Variants in GSAP observed in about 807,000 individuals in gnomAD.
GSAP encodes gamma-secretase activating protein.
In GSAP, 118 loss-of-function variants were observed where a neutral mutation model predicts 131.7. That is an observed-to-expected ratio of 0.90 (90% CI 0.77 to 1.04). GSAP has a LOEUF of 1.04. Ranked by LOEUF, GSAP falls within the 50% of genes least tolerant of loss-of-function variation. The pLI, the probability that GSAP is intolerant of heterozygous loss-of-function variation, is 0.00. For missense variants in GSAP, 1,019 were observed against 1,013.2 expected, an observed-to-expected ratio of 1.01 and a Z score of -0.08; for synonymous variants, 381 against 363.4, an observed-to-expected ratio of 1.05 and a Z score of -0.55.
At chr7:77,355,681 T>C in intron 14 of GSAP, 34 bp from the exon 15 acceptor site, 1 of 1,140,540 alleles carries the variant, frequency 8.8e-7, no homozygotes, top group Non-Finnish European at 1.3e-6. Flanking sequence ...CATCTACATG[T>C]GGTAAAAGCT....
chr7:77,415,828 G>A (rs1246110641), intron 1 of GSAP: 3 of 196,110 alleles, frequency 1.5e-5, no homozygotes, highest in Admixed American at 1.2e-4. Flanking sequence ...TCTTGGCAAA[G>A]CCCCTGCGCT....
intron 1 of GSAP, among the ~76,000 whole-genome samples, chr7:77,409,308 C>A (rs1470324413): frequency 6.6e-6 from 1 of 152,208 alleles, no homozygotes; most frequent in Admixed American, 6.5e-5. Context: ...ACAGCAAAAC[C>A]CTGTCTCTTA....
chr7:77,313,357 T>C, intron 28 of GSAP, 131 bp downstream of exon 28: 1 of 606,542 alleles, frequency 1.6e-6, no homozygotes, highest in Middle Eastern at 3.3e-4. Context: ...TGGGATTTCT[T>C]GGAAGTGTTG....
At chr7:77,403,704 G>C (rs914806610) in intron 3 of GSAP, among the ~76,000 whole-genome samples, 1 of 152,148 alleles carries the variant, frequency 6.6e-6, no homozygotes, top group Non-Finnish European at 1.5e-5. Flanking sequence ...ATCTCAAGAA[G>C]GACATTGGAC....
intron 12 of GSAP, among the ~76,000 whole-genome samples, chr7:77,371,586 C>T (rs1009642766): frequency 1.3e-5 from 2 of 152,102 alleles, no homozygotes; most frequent in Non-Finnish European, 2.9e-5. Context: ...AGGCACGTGC[C>T]ACCACACCCA....
chr7:77,337,649 T>C (rs1197970418), intron 19 of GSAP, among the ~76,000 whole-genome samples: 1 of 152,166 alleles, frequency 6.6e-6, no homozygotes, highest in Admixed American at 6.5e-5. Context: ...TTTTTGTCCT[T>C]CCCAGTCTCT....
rs1473845189 is a variant in GSAP, at chr7:77,416,280, G to A, written c.42C>T (p.Asp14=). 6 of 1,494,812 alleles carry A rather than the reference G, an allele frequency of 4.0e-6. No individual in the cohort carries two copies. The highest frequency in any genetic ancestry group is 4.4e-6 in the Non-Finnish European group (5 of 1,123,694). 92.6% of individuals were successfully genotyped at this position (1,494,812 alleles called of 1,614,324 possible). ...RLVADFDLGK[D]VLPWLRAQRA... ...GCTGCGCCCGCAACCACGGGAGCAC[G>A]TCCTTCCCGAGGTCGAAGTCGGCGA... The change falls in exon 1 of 31, where the codon GAC becomes GAT. Residue 14 remains aspartate (D), a synonymous_variant. Transcript: ENST00000257626.
chr7:77,387,202 G>A (rs1798701126), intron 6 of GSAP, among the ~76,000 whole-genome samples, 158 bp downstream of exon 6: 1 of 152,204 alleles, frequency 6.6e-6, no homozygotes, highest in African/African-American at 2.4e-5. Flanking sequence ...TAATTTCCAT[G>A]CTTGCAAACA....
intron 19 of GSAP, among the ~76,000 whole-genome samples, chr7:77,346,625 G>A (rs1302484690): frequency 6.6e-6 from 1 of 151,734 alleles, no homozygotes; most frequent in Non-Finnish European, 1.5e-5. Flanking sequence ...CAAGAGGACT[G>A]CTTGAGCCCA....
intron 16 of GSAP, 147 bp downstream of exon 16, chr7:77,355,066 C>T (rs935742345): frequency 5.3e-5 from 32 of 608,544 alleles, no homozygotes; most frequent in Non-Finnish European, 6.9e-5. Flanking sequence ...AAAAAAGCAG[C>T]GCAAAAGATG....
chr7:77,406,520 T>A (rs1802298265), intron 1 of GSAP, among the ~76,000 whole-genome samples: 1 of 152,264 alleles, frequency 6.6e-6, no homozygotes, highest in Non-Finnish European at 1.5e-5. Context: ...TCCTGTAGAT[T>A]AACCACTGTT....
At chr7:77,404,158 G>A (rs1389587726) in intron 3 of GSAP, among the ~76,000 whole-genome samples, 1 of 152,202 alleles carries the variant, frequency 6.6e-6, no homozygotes, top group Non-Finnish European at 1.5e-5. Context: ...TATTGTGCAA[G>A]CCAGCTGCCA....
In GSAP at chr7:77,416,347, T is replaced by C; in HGVS notation, c.-26A>G. The C allele has an allele frequency of 7.2e-7, 1 of 1,391,634 alleles. No individual in the cohort carries two copies. The allele number at this position is 1,391,634 out of a possible 1,614,324, so 86.2% of individuals were successfully genotyped here. A position where few individuals can be genotyped will look rare whatever the true frequency, so the allele number is the denominator to read the frequency against. On this transcript the variant is annotated 5_prime_UTR_variant, in exon 1 of 31. Transcript: ENST00000257626. ...CGCCCGGACACGACCACCGGGCGGC[T>C]CTGGGGCCCCGCACCGCGGGCATTC...
In GSAP at chr7:77,312,164, A is replaced by G. The variant is rs1794451127; in HGVS notation, c.2310T>C (p.Pro770=). ...GQKICRLWDH[P]MSSNIISRNH... ...TCCGCGAAATGATGTTAGAACTCAT[A>G]GGATGATCCCAAAGTCTACAAATCT... The change falls in exon 29 of 31, where the codon CCT becomes CCC. Residue 770 remains proline (P), a synonymous_variant. Coordinates refer to ENST00000257626, the MANE Select transcript of GSAP (RefSeq NM_017439.4). 6.2e-7 allele frequency: 1 copy of G among 1,603,944 alleles called. No homozygotes were observed.
In GSAP at chr7:77,382,650, A is replaced by G. The variant is rs1485297965; in HGVS notation, c.457-7T>C. 6.9e-7 allele frequency: 1 copy of G among 1,452,282 alleles called. No homozygotes were observed. The highest frequency in any genetic ancestry group is 9.7e-7 in the Non-Finnish European group (1 of 1,032,614). 90.0% of individuals were successfully genotyped at this position (1,452,282 alleles called of 1,614,324 possible). ...CAATATGTGGGTAGAGAAACTGTAA[A>G]AAAGAAATTAATCATAATTGTAAGC... On this transcript the variant is annotated splice_region_variant and splice_polypyrimidine_tract_variant and intron_variant, in intron 6 of 30. Coordinates refer to ENST00000257626, the MANE Select transcript of GSAP (RefSeq NM_017439.4).
intron 12 of GSAP, among the ~76,000 whole-genome samples, chr7:77,368,870 AAC>A (rs1264854178): frequency 2.0e-5 from 3 of 152,228 alleles, no homozygotes; most frequent in African/African-American, 7.2e-5. Context: ...GTTATTCCAT[AAC>A]AGTCTTGCTG....
chr7:77,390,751 A>C (rs1563099663), intron 5 of GSAP, among the ~76,000 whole-genome samples: 1 of 151,736 alleles, frequency 6.6e-6, no homozygotes, highest in Non-Finnish European at 1.5e-5. Flanking sequence ...CTTGAAGTAT[A>C]ATAATAAAAA....
Position 77,322,604 on chromosome 7 carries a change from T to A in GSAP, c.1923+1043A>T, listed in dbSNP as rs73703328. Among the ~76,000 whole-genome samples the A allele has an allele frequency of 4.1e-3, 573 of 138,690 alleles. 2 individuals are homozygous for A. Among genetic ancestry groups the A allele is most frequent in the African/African-American group, 5.6e-3 (208 of 36,864 alleles). The allele number at this position is 138,690 out of a possible 152,430, so 91.0% of individuals were successfully genotyped here. ...TGAGTTTTTTTTTTTTTTTTTTTTT[T>A]AAAGCAAGTTAATGTCAACATGGGG... is the stretch of plus-strand genomic sequence containing the variant. On this transcript the variant is annotated intron_variant, in intron 24 of 30. Coordinates refer to ENST00000257626, the MANE Select transcript of GSAP (RefSeq NM_017439.4).
chr7:77,378,810 C>T (rs1232728608), intron 8 of GSAP, among the ~76,000 whole-genome samples: 1 of 152,100 alleles, frequency 6.6e-6, no homozygotes, highest in African/African-American at 2.4e-5. Context: ...AATTAACTTT[C>T]CTCAAAATGC....
Sources: gnomAD v4.1 joint callset for allele counts (sites outside exome capture counted in the v4.1 genomes callset) on GRCh38, gnomAD v4.1.1 for gene constraint, MANE v1.5 for transcripts, NCBI Gene and HGNC (gene_info 2026-07-23, HGNC 2026-07-21) for gene names.